COG6: variants seen among roughly 807,000 people sequenced by gnomAD.
COG6 encodes the protein component of oligomeric golgi complex 6.
In COG6, 74 loss-of-function variants were observed where a neutral mutation model predicts 88.8. The ratio of observed to expected loss-of-function variants is 0.83; its 90% CI spans 0.69 to 1.01. COG6 has a LOEUF of 1.01. Ranked by LOEUF, COG6 falls within the 50% of genes least tolerant of loss-of-function variation. The pLI, the probability that COG6 is intolerant of heterozygous loss-of-function variation, is 0.00. For missense variants in COG6, 800 were observed against 797.9 expected (o/e 1.00, Z -0.03); for synonymous variants, 286 against 278.7 (o/e 1.03, Z -0.26).
At chr13:39,678,567 G>A (rs1345048520) in intron 5 of COG6, among the ~76,000 whole-genome samples, 1 of 151,844 alleles carries the variant, frequency 6.6e-6, no homozygotes, top group Non-Finnish European at 1.5e-5. Flanking sequence ...AAAAAGTTTC[G>A]TTTCTTTTTT....
intron 3 of COG6, among the ~76,000 whole-genome samples, chr13:39,662,365 G>A (rs1483387982): frequency 2.0e-5 from 3 of 151,936 alleles, no homozygotes; most frequent in Admixed American, 1.3e-4. Flanking sequence ...GACCTCAAGT[G>A]ATTCACCTAC....
intron 13 of COG6, among the ~76,000 whole-genome samples, chr13:39,711,921 G>A (rs1263155988): frequency 1.3e-5 from 2 of 152,108 alleles, no homozygotes; most frequent in East Asian, 3.8e-4. Flanking sequence ...GTACAGTGGT[G>A]CAATCTCACC....
chr13:39,783,778 A>C (rs1881697459), intron 18 of COG6, among the ~76,000 whole-genome samples: 1 of 152,174 alleles, frequency 6.6e-6, no homozygotes, highest in Non-Finnish European at 1.5e-5. Context: ...TCATTTATCT[A>C]TAGGCAGCTC....
chr13:39,655,651 A>G (rs1339945643), upstream of COG6: 2 of 1,501,564 alleles, frequency 1.3e-6, no homozygotes, highest in Admixed American at 3.9e-5. Context: ...GCCGATTTGC[A>G]CATGCGCAAT....
At chr13:39,780,886 G>A (rs1027838331) in intron 18 of COG6, among the ~76,000 whole-genome samples, 1 of 152,144 alleles carries the variant, frequency 6.6e-6, no homozygotes, top group African/African-American at 2.4e-5. Context: ...CAGATGCGTG[G>A]CTGTGAACTG....
intron 16 of COG6, 24 bp from the exon 17 acceptor site, chr13:39,724,482 GCT>G: frequency 9.6e-7 from 1 of 1,045,370 alleles, no homozygotes; most frequent in Non-Finnish European, 1.4e-6. Context: ...TCTTGGATCT[GCT>G]TTTTTTTTTT....
chr13:39,695,960 T>A (rs1291385782), intron 12 of COG6, among the ~76,000 whole-genome samples: 3 of 151,984 alleles, frequency 2.0e-5, no homozygotes, highest in Non-Finnish European at 4.4e-5. Flanking sequence ...AAATAATTTT[T>A]AAAATTGTTT....
intron 4 of COG6, among the ~76,000 whole-genome samples, chr13:39,665,471 T>C (rs916985782): frequency 6.6e-6 from 1 of 152,198 alleles, no homozygotes; most frequent in African/African-American, 2.4e-5. Context: ...TTTATTACTT[T>C]TTTTTCACAA....
Position 39,724,490 on chromosome 13 carries a change from T to C in COG6, c.1693-18T>C. ...TTTTACATCTTGGATCTGCTTTTTT[T>C]TTTTTTTTTTTAAATAGGGCTCTTT... On this transcript the variant is annotated intron_variant, in intron 16 of 18. Transcript: ENST00000455146. 1.3e-6 allele frequency: 2 copies of C among 1,529,782 alleles called. No individual in the cohort carries two copies. Among genetic ancestry groups the C allele is most frequent in the Non-Finnish European group, 1.8e-6 (2 of 1,129,586 alleles). 94.8% of individuals were successfully genotyped at this position (1,529,782 alleles called of 1,614,324 possible).
intron 2 of COG6, among the ~76,000 whole-genome samples, 192 bp downstream of exon 2, chr13:39,659,699 C>T (rs1231614984): frequency 6.6e-6 from 1 of 152,064 alleles, no homozygotes; most frequent in Non-Finnish European, 1.5e-5. Context: ...TCTGTGACTT[C>T]CACAAATATT....
chr13:39,673,518 C>CA (rs201134661), intron 4 of COG6, among the ~76,000 whole-genome samples: 13 of 150,868 alleles, frequency 8.6e-5, no homozygotes, highest in Admixed American at 7.9e-4. Context: ...ATTTTAGAAC[C>CA]AAAAAAAATT....
intron 13 of COG6, among the ~76,000 whole-genome samples, chr13:39,707,518 C>T (rs1878008443): frequency 6.6e-6 from 1 of 152,136 alleles, no homozygotes; most frequent in South Asian, 2.1e-4. Context: ...TAGCTATCAC[C>T]CAGATAAGAT....
rs79478584 is a variant in COG6, at chr13:39,687,139, G to A, written c.789-364G>A. ...GCAAATATGTATACTGAAATATACC[G>A]AAACCTAGTATAGTGAATATACTGA... On this transcript the variant is annotated intron_variant, in intron 8 of 18. Transcript: ENST00000455146. 1.8e-3 allele frequency among the ~76,000 whole-genome samples: 274 copies of A among 152,116 alleles called. 8 individuals carry two copies. In the East Asian group the frequency reaches 0.045, roughly 25 times the overall value.
chr13:39,716,184 A>G (rs560313133), intron 13 of COG6, among the ~76,000 whole-genome samples: 59 of 151,900 alleles, frequency 3.9e-4, no homozygotes, highest in Non-Finnish European at 6.9e-4. Flanking sequence ...TTGGGTGCAT[A>G]TATGTTTATA....
At chr13:39,768,797 A>G (rs112391860) in intron 18 of COG6, among the ~76,000 whole-genome samples, 4 of 152,214 alleles carry the variant, frequency 2.6e-5, no homozygotes, top group Non-Finnish European at 4.4e-5. Context: ...ACTCAACTCA[A>G]TAACTGGAAT....
chr13:39,680,410 T>C lies in COG6; in HGVS notation c.694+365T>C, dbSNP rs114668547. Among the ~76,000 whole-genome samples the C allele has an allele frequency of 3.3e-3, 499 of 152,334 alleles. 2 individuals are homozygous for C. The highest frequency in any genetic ancestry group is 0.012 in the African/African-American group (484 of 41,586). The stretch of plus-strand genomic sequence containing the variant: ...GATTAGGTATCTCTTGTTGTTTACA[T>C]AACTGTAAAGTTGTAAGTGGTAAAC... On this transcript the variant is annotated intron_variant, in intron 7 of 18. Coordinates refer to ENST00000455146, the MANE Select transcript of COG6 (RefSeq NM_020751.3).
chr13:39,678,199 TAGGGTATCC>T, intron 5 of COG6: 2 of 345,732 alleles, frequency 5.8e-6, no homozygotes. Flanking sequence ...CCCAGGTAGC[TAGGGTATCC>T]AGGCATGCAC....
chr13:39,714,563 C>T (rs1263012262), intron 13 of COG6, among the ~76,000 whole-genome samples: 1 of 151,716 alleles, frequency 6.6e-6, no homozygotes, highest in Non-Finnish European at 1.5e-5. Context: ...ATTAAAACCA[C>T]AGTGAGACAC....
intron 18 of COG6, chr13:39,788,316 T>C: frequency 1.3e-6 from 2 of 1,551,730 alleles, no homozygotes; most frequent in Non-Finnish European, 1.7e-6. Flanking sequence ...TGTCTTTGAT[T>C]GTTGGCATTT....
Sources: allele counts gnomAD v4.1 joint callset (sites outside exome capture counted in the v4.1 genomes callset), GRCh38; gene constraint gnomAD v4.1.1; transcripts MANE v1.5; gene names NCBI Gene and HGNC (gene_info 2026-07-23, HGNC 2026-07-21).